Variants in AGBL4 observed in about 807,000 individuals in gnomAD.
AGBL4 encodes cytosolic carboxypeptidase 6.
AGBL4 carries 58 observed loss-of-function variants against 66.4 expected under a neutral mutation model. The ratio of observed to expected loss-of-function variants is 0.87; its 90% CI spans 0.71 to 1.09. The LOEUF is 1.09. Ranked by LOEUF, AGBL4 falls within the 50% of genes least tolerant of loss-of-function variation. The pLI, the probability that AGBL4 is intolerant of heterozygous loss-of-function variation, is 0.00. For missense variants in AGBL4, 579 were observed against 631.0 expected, an observed-to-expected ratio of 0.92 and a Z score of 0.88; for synonymous variants, 234 against 222.9, an observed-to-expected ratio of 1.05 and a Z score of -0.44.
chr1:49,786,641 T>C (rs1644461578), intron 2 of AGBL4, among the ~76,000 whole-genome samples: 1 of 152,210 alleles, frequency 6.6e-6, no homozygotes, highest in Non-Finnish European at 1.5e-5. Context: ...CCCTGAATTG[T>C]ATCTTTACCT....
At chr1:49,170,911 A>C (rs1646726748) in intron 4 of AGBL4, among the ~76,000 whole-genome samples, 1 of 152,164 alleles carries the variant, frequency 6.6e-6, no homozygotes, top group African/African-American at 2.4e-5. Flanking sequence ...CAGCTTCTTC[A>C]CATAATAACA....
intron 3 of AGBL4, among the ~76,000 whole-genome samples, chr1:49,330,591 C>T (rs1240469488): frequency 6.6e-6 from 1 of 152,086 alleles, no homozygotes; most frequent in African/African-American, 2.4e-5. Flanking sequence ...TTAATTAATC[C>T]TAATGTTCAT....
At chr1:49,969,503 C>T (rs1657870717) in intron 1 of AGBL4, among the ~76,000 whole-genome samples, 1 of 151,992 alleles carries the variant, frequency 6.6e-6, no homozygotes, top group Non-Finnish European at 1.5e-5. Context: ...AACTTTTTAC[C>T]CTTAACTAAT....
At chr1:48,705,484 T>C (rs893089177) in intron 6 of AGBL4, among the ~76,000 whole-genome samples, 1 of 152,232 alleles carries the variant, frequency 6.6e-6, no homozygotes, top group Non-Finnish European at 1.5e-5. Context: ...TCACATACAT[T>C]GTCTCATCTA....
intron 3 of AGBL4, among the ~76,000 whole-genome samples, chr1:49,565,834 T>A (rs1205807472): frequency 2.6e-5 from 4 of 152,316 alleles, no homozygotes; most frequent in African/African-American, 9.6e-5. Flanking sequence ...TTTCCTGAAT[T>A]TGAATGTTAG....
At chr1:49,960,559 G>T (rs1657034396) in intron 1 of AGBL4, among the ~76,000 whole-genome samples, 1 of 152,012 alleles carries the variant, frequency 6.6e-6, no homozygotes, top group South Asian at 2.1e-4. Flanking sequence ...CTAGAAGGAA[G>T]ATATTGTATG....
At chr1:48,933,995 C>T (rs965880294) in intron 5 of AGBL4, among the ~76,000 whole-genome samples, 11 of 152,196 alleles carry the variant, frequency 7.2e-5, no homozygotes, top group African/African-American at 1.7e-4. Flanking sequence ...CCCTCGTTGA[C>T]GTTGCTCACC....
intron 1 of AGBL4, among the ~76,000 whole-genome samples, chr1:49,950,122 ATATG>A (rs1557612253): frequency 7.1e-6 from 1 of 141,174 alleles, no homozygotes; most frequent in African/African-American, 2.6e-5. Context: ...GTATATACAC[ATATG>A]TGTATATATA....
At chr1:49,427,262 C>T (rs1239249026) in intron 3 of AGBL4, among the ~76,000 whole-genome samples, 2 of 152,030 alleles carry the variant, frequency 1.3e-5, no homozygotes, top group Non-Finnish European at 2.9e-5. Flanking sequence ...TGCTGAGCAC[C>T]TCAAAGGTGG....
chr1:49,408,841 T>C lies in AGBL4; in HGVS notation c.283-162977A>G, dbSNP rs1256689782. Among the ~76,000 whole-genome samples, 6 of 152,328 alleles carry C rather than the reference T, an allele frequency of 3.9e-5. No homozygotes were observed. In the East Asian group the frequency reaches 9.7e-4, roughly 25 times the overall value. Reference sequence around the variant, plus strand: ...TGCTCCTCAGCTGGCAGACAGCCTATTGTGGGACTTCACTTTGTGATCGTG... The same window carrying C: ...TGCTCCTCAGCTGGCAGACAGCCTACTGTGGGACTTCACTTTGTGATCGTG... On this transcript the variant is annotated intron_variant, in intron 3 of 13. Coordinates refer to ENST00000371839, the MANE Select transcript of AGBL4 (RefSeq NM_032785.4).
chr1:49,555,613 G>T (rs1215229182), intron 3 of AGBL4, among the ~76,000 whole-genome samples: 2 of 150,488 alleles, frequency 1.3e-5, no homozygotes, highest in East Asian at 4.0e-4. Context: ...GGGACTTGGA[G>T]AATTTTTGCA....
chr1:49,425,969 C>T lies in AGBL4; in HGVS notation c.283-180105G>A, dbSNP rs567419392. 7.4e-4 allele frequency among the ~76,000 whole-genome samples: 113 copies of T among 152,248 alleles called. 1 individual carries two copies. The highest frequency in any genetic ancestry group is 2.6e-3 in the African/African-American group (109 of 41,550). On this transcript the variant is annotated intron_variant, in intron 3 of 13. Coordinates refer to ENST00000371839, the MANE Select transcript of AGBL4 (RefSeq NM_032785.4). ...GGCAAGTTCATTAACCTCACTGAGC[C>T]TCAGTTGCCTTCCCCAAGATGATAA...
At chr1:49,096,326 A>T (rs1441786306) in intron 4 of AGBL4, among the ~76,000 whole-genome samples, 1 of 152,188 alleles carries the variant, frequency 6.6e-6, no homozygotes. Flanking sequence ...TGACCCAGCC[A>T]TCCCTTTACT....
At chr1:49,882,673 G>C (rs920174182) in intron 1 of AGBL4, among the ~76,000 whole-genome samples, 3 of 152,154 alleles carry the variant, frequency 2.0e-5, no homozygotes, top group Non-Finnish European at 4.4e-5. Flanking sequence ...GTTCACTCAT[G>C]ATTTGGCTCT....
chr1:48,522,826 T>C, the AGBL4 span, among the ~76,000 whole-genome samples: 1 of 151,322 alleles, frequency 6.6e-6, no homozygotes, highest in South Asian at 2.1e-4. Context: ...CTCAGGAGGC[T>C]GAGGCAGAAG....
intron 2 of AGBL4, among the ~76,000 whole-genome samples, chr1:49,763,368 T>C (rs1005653431): frequency 6.6e-6 from 1 of 152,212 alleles, no homozygotes; most frequent in African/African-American, 2.4e-5. Flanking sequence ...TACTGTGCCT[T>C]TCCATATAAA....
intron 5 of AGBL4, among the ~76,000 whole-genome samples, chr1:48,896,255 C>T (rs926292510): frequency 6.6e-6 from 1 of 152,206 alleles, no homozygotes; most frequent in Non-Finnish European, 1.5e-5. Context: ...CCCTGTTTAA[C>T]TCCTCTCACA....
At chr1:49,934,202 T>G (rs959553091) in intron 1 of AGBL4, among the ~76,000 whole-genome samples, 2 of 152,058 alleles carry the variant, frequency 1.3e-5, no homozygotes, top group Admixed American at 1.3e-4. Flanking sequence ...TCAACAGCAA[T>G]ACAATAATAG....
intron 6 of AGBL4, among the ~76,000 whole-genome samples, chr1:48,726,540 A>T (rs181986498): frequency 6.6e-6 from 1 of 152,372 alleles, no homozygotes; most frequent in African/African-American, 2.4e-5. Context: ...ACTATCTGTT[A>T]TTATTAATAT....
Sources: allele counts gnomAD v4.1 joint callset (sites outside exome capture counted in the v4.1 genomes callset), GRCh38; gene constraint gnomAD v4.1.1; transcripts MANE v1.5; gene names NCBI Gene and HGNC (gene_info 2026-07-23, HGNC 2026-07-21).